Variants in GBGT1 observed in about 807,000 individuals in gnomAD.
The protein encoded by GBGT1 is globoside alpha-1,3-N-acetylgalactosaminyltransferase 1 (FORS blood group).
GBGT1 carries 18 observed loss-of-function variants against 20.9 expected under a neutral mutation model. The ratio of observed to expected loss-of-function variants is 0.86; its 90% CI spans 0.60 to 1.28. The LOEUF (loss-of-function observed/expected upper bound fraction) is 1.28, where lower values mean the gene tolerates loss of function less well. Ranked by LOEUF, GBGT1 falls within the 50% of genes most tolerant of loss-of-function variation. The pLI is 0.00. For missense variants in GBGT1, 432 were observed against 455.7 expected (o/e 0.95, Z 0.47); for synonymous variants, 168 against 180.8 (o/e 0.93, Z 0.57).
intron 3 of GBGT1, 154 bp downstream of exon 3, chr9:133,161,313 A>G (rs1046890121): frequency 4.3e-5 from 24 of 557,040 alleles, no homozygotes; most frequent in African/African-American, 4.0e-4. Flanking sequence ...CGCTTGTCAC[A>G]GCCCTTAAAT....
Position 133,162,527 on chromosome 9 carries a change from G to C in GBGT1, c.-115C>G. 1 of 799,638 alleles carries C rather than the reference G, an allele frequency of 1.3e-6. No individual in the cohort carries two copies. Among genetic ancestry groups the C allele is most frequent in the Non-Finnish European group, 2.1e-6 (1 of 468,906 alleles). 49.5% of individuals were successfully genotyped at this position (799,638 alleles called of 1,614,324 possible). ...CTGAGCCTGGTCTCTGAGGTCCCAG[G>C]AACACCTGCAAAGGAACACTTTTGT... On this transcript the variant is annotated 5_prime_UTR_variant, in exon 2 of 7. Coordinates refer to ENST00000372040, the MANE Select transcript of GBGT1 (RefSeq NM_021996.6).
In GBGT1 at chr9:133,162,489, G is replaced by T; in HGVS notation, c.-77C>A. 1.7e-6 allele frequency: 2 copies of T among 1,208,062 alleles called. No individual in the cohort carries two copies. Among genetic ancestry groups the T allele is most frequent in the Non-Finnish European group, 2.4e-6 (2 of 832,144 alleles). The allele number at this position is 1,208,062 out of a possible 1,614,324, so 74.8% of individuals were successfully genotyped here. A position where few individuals can be genotyped will look rare whatever the true frequency, so the allele number is the denominator to read the frequency against. On this transcript the variant is annotated 5_prime_UTR_variant, in exon 2 of 7. In the 5' UTR this introduces an upstream ATG that the reference lacks. Transcript: ENST00000372040. ...GGGCGGATGAGGCTGTCCCCTCGCA[G>T]GGATGTCAGGCTCTGAGCCTGGTCT... is the stretch of plus-strand genomic sequence containing the variant.
intron 3 of GBGT1, among the ~76,000 whole-genome samples, chr9:133,156,346 C>T (rs886366457): frequency 1.3e-5 from 2 of 152,144 alleles, no homozygotes; most frequent in East Asian, 3.9e-4. Context: ...ATGTCGCTCT[C>T]GTTGTCGGAA....
At chr9:133,163,212 AG>A (rs1422651108) in intron 1 of GBGT1, 1 of 152,282 alleles carries the variant, frequency 6.6e-6, no homozygotes, top group Non-Finnish European at 1.5e-5. Flanking sequence ...ATGCGCGGGA[AG>A]GGGCGCCCAG....
rs773511867 is a variant in GBGT1, at chr9:133,155,327, G to A, written c.225-15C>T. ...GCTGTGTGGGCCTGGCAGCAGGGGG[G>A]CCGTGGGCACTGAGACCCTCCCCTG... is the stretch of plus-strand genomic sequence containing the variant. On this transcript the variant is annotated splice_polypyrimidine_tract_variant and intron_variant, in intron 5 of 6. Transcript: ENST00000372040. 3.7e-6 allele frequency: 6 copies of A among 1,613,474 alleles called. No homozygotes were observed. Among genetic ancestry groups the A allele is most frequent in the East Asian group, 2.2e-5 (1 of 44,876 alleles).
At chr9:133,156,232 G>A in intron 3 of GBGT1, 167 bp from the exon 4 acceptor site, 4 of 693,566 alleles carry the variant, frequency 5.8e-6, no homozygotes, top group Middle Eastern at 4.0e-4. Context: ...AGGAGCTGGG[G>A]ACCCCTACAG....
intron 2 of GBGT1, among the ~76,000 whole-genome samples, chr9:133,161,738 T>C (rs987387257): frequency 2.0e-5 from 3 of 152,170 alleles, no homozygotes; most frequent in Non-Finnish European, 4.4e-5. Context: ...CATGCAGTCA[T>C]TCATTCACCC....
At chr9:133,157,324 C>T (rs1477988069) in intron 3 of GBGT1, among the ~76,000 whole-genome samples, 1 of 151,038 alleles carries the variant, frequency 6.6e-6, no homozygotes, top group Non-Finnish European at 1.5e-5. Flanking sequence ...CACCTGTGGG[C>T]TGTGGTGTCT....
intron 3 of GBGT1, among the ~76,000 whole-genome samples, chr9:133,158,509 C>A (rs1163686996): frequency 2.6e-5 from 4 of 152,154 alleles, no homozygotes; most frequent in Non-Finnish European, 5.9e-5. Flanking sequence ...GTCTTGAACT[C>A]CTGAGCTCAA....
At chr9:133,160,624 G>A (rs1319865697) in intron 3 of GBGT1, among the ~76,000 whole-genome samples, 1 of 152,218 alleles carries the variant, frequency 6.6e-6, no homozygotes, top group Non-Finnish European at 1.5e-5. Flanking sequence ...AGAGCCCTGG[G>A]AAATTGGGAG....
chr9:133,154,471 T>C lies in GBGT1; in HGVS notation c.360-210A>G, dbSNP rs1832811120. On this transcript the variant is annotated intron_variant, in intron 6 of 6. Transcript: ENST00000372040. This position sits in a 1 kb window ranked among gnomAD's most constrained non-coding sequence, Gnocchi z 4.2. ...GTTGTAAGCATGTTCCTGGTAGAGATTCTTATGCTCCTAGGCCAGGTGAAC... is the reference window on the plus strand; with the variant it reads ...GTTGTAAGCATGTTCCTGGTAGAGACTCTTATGCTCCTAGGCCAGGTGAAC... 4.6e-6 allele frequency: 2 copies of C among 433,230 alleles called. No individual in the cohort carries two copies. Among genetic ancestry groups the C allele is most frequent in the Non-Finnish European group, 4.1e-6 (1 of 245,086 alleles). The allele number at this position is 433,230 out of a possible 1,614,324, so 26.8% of individuals were successfully genotyped here.
In GBGT1 at chr9:133,161,498, C is replaced by T. The variant is rs767121053; in HGVS notation, c.106G>A (p.Val36Ile). ...TCTGGGCAGGGGAGATAATAGGGGA[C>T]ATAGGAGACTGGCAGCCAGTTCTCA... ...YLENWLPVSYVPYYLPCPEIF... is the reference protein window; with the variant it reads ...YLENWLPVSYIPYYLPCPEIF... The change falls in exon 3 of 7, where the codon GTC becomes ATC. Residue 36 changes from valine to isoleucine, a missense_variant. Physicochemically the swap from Val to Ile is conservative, Grantham distance 29. Transcript: ENST00000372040. The T allele has an allele frequency of 6.2e-7, 1 of 1,611,100 alleles. No homozygotes were observed. The highest frequency in any genetic ancestry group is 8.5e-7 in the Non-Finnish European group (1 of 1,178,332).
chr9:133,161,394 A>G (rs1833037210), intron 3 of GBGT1, 73 bp downstream of exon 3: 1 of 855,702 alleles, frequency 1.2e-6, no homozygotes, highest in Non-Finnish European at 1.8e-6. Context: ...AAGTGAACTT[A>G]AATACTCTCC....
At chr9:133,161,217 GGCTCACA>G (rs1194179553) in intron 3 of GBGT1, 6 of 442,770 alleles carry the variant, frequency 1.4e-5, no homozygotes, top group Admixed American at 4.1e-5. Flanking sequence ...CAGCAAGCAA[GGCTCACA>G]GCTGTGCAAC....
rs1832820572 is a variant in GBGT1, at chr9:133,154,782, C to T, written c.359+396G>A. On this transcript the variant is annotated intron_variant, in intron 6 of 6. Transcript: ENST00000372040. The surrounding 1 kb of genome is among the most constrained non-coding windows in gnomAD (Gnocchi z 4.2). ...TTCATCATCTGGTCATGCTTTAGGGCCCCAGGAAGTTCCAGGAAGGAGTCC... is the reference window on the plus strand; with the variant it reads ...TTCATCATCTGGTCATGCTTTAGGGTCCCAGGAAGTTCCAGGAAGGAGTCC... 5.2e-6 allele frequency: 1 copy of T among 192,246 alleles called. No individual in the cohort carries two copies. The highest frequency in any genetic ancestry group is 2.3e-5 in the African/African-American group (1 of 42,832). The allele number at this position is 192,246 out of a possible 1,614,324, so 11.9% of individuals were successfully genotyped here.
At chr9:133,156,232 G>T in intron 3 of GBGT1, 167 bp from the exon 4 acceptor site, 1 of 693,566 alleles carries the variant, frequency 1.4e-6, no homozygotes, top group Non-Finnish European at 2.5e-6. Context: ...AGGAGCTGGG[G>T]ACCCCTACAG....
At position 133,154,476 on chromosome 9, in the gene GBGT1, A is replaced by G. The variant is rs1383653783; in HGVS notation, c.360-215T>C. 9.4e-6 allele frequency: 4 copies of G among 426,752 alleles called. No homozygotes were observed. The highest frequency in any genetic ancestry group is 4.0e-5 in the African/African-American group (2 of 49,888). 26.4% of individuals were successfully genotyped at this position (426,752 alleles called of 1,614,324 possible). A position where few individuals can be genotyped will look rare whatever the true frequency, so the allele number is the denominator to read the frequency against. On this transcript the variant is annotated intron_variant, in intron 6 of 6. Transcript: ENST00000372040. The surrounding 1 kb of genome is among the most constrained non-coding windows in gnomAD (Gnocchi z 4.2). ...AAGCATGTTCCTGGTAGAGATTCTTATGCTCCTAGGCCAGGTGAACTTTTA... is the reference window on the plus strand; with the variant it reads ...AAGCATGTTCCTGGTAGAGATTCTTGTGCTCCTAGGCCAGGTGAACTTTTA...
chr9:133,156,161 G>C (rs1564264222), intron 3 of GBGT1, 96 bp from the exon 4 acceptor site: 1 of 1,380,764 alleles, frequency 7.2e-7, no homozygotes, highest in Non-Finnish European at 1.0e-6. Flanking sequence ...CTGCGGGTGG[G>C]CACCCAGGGT....
chr9:133,159,461 CA>C (rs1178113827), intron 3 of GBGT1, among the ~76,000 whole-genome samples: 1 of 152,156 alleles, frequency 6.6e-6, no homozygotes, highest in Non-Finnish European at 1.5e-5. Flanking sequence ...TTTCTCTCCA[CA>C]AGCCCAGACA....
Sources: allele counts gnomAD v4.1 joint callset (sites outside exome capture counted in the v4.1 genomes callset), GRCh38; gene constraint gnomAD v4.1.1; non-coding constraint Gnocchi (gnomAD v3.1); transcripts MANE v1.5; gene names NCBI Gene and HGNC (gene_info 2026-07-23, HGNC 2026-07-21).